INTS2: variants seen among roughly 807,000 people sequenced by gnomAD.
The protein encoded by INTS2 is integrator complex subunit 2.
Under a neutral mutation model 139.6 loss-of-function variants are expected in INTS2, and 57 were observed. The observed-to-expected ratio is 0.41, with a 90% CI of 0.33 to 0.51. The LOEUF (loss-of-function observed/expected upper bound fraction) is 0.51, where lower values mean the gene tolerates loss of function less well. INTS2 is among the 20% of genes least tolerant of loss of function. The pLI, the probability that INTS2 is intolerant of heterozygous loss-of-function variation, is 0.28. For synonymous variants in INTS2, 473 were observed against 493.4 expected (o/e 0.96, Z 0.55); for missense variants, 1,196 against 1,436.7 (o/e 0.83, Z 2.71).
chr17:61,893,876 C>T lies in INTS2; in HGVS notation c.1587G>A (p.Arg529=). 1.3e-6 allele frequency: 2 copies of T among 1,575,174 alleles called. No individual in the cohort carries two copies. The highest frequency in any genetic ancestry group is 8.6e-7 in the Non-Finnish European group (1 of 1,159,586). The change falls in exon 13 of 25, where the codon CGG becomes CGA. Residue 529 remains arginine, a synonymous_variant. Coordinates refer to ENST00000251334, the MANE Select transcript of INTS2 (RefSeq NM_001351695.2). The surrounding 1 kb of genome is among the most constrained non-coding windows in gnomAD (Gnocchi z 5.4). The part of the protein sequence containing the change: ...TEQVVTAHAV[R]VPVTSNLSAN... The stretch of plus-strand genomic sequence containing the variant: ...CACTCAGGTTGCTGGTGACAGGGAC[C>T]CGAACTGCATGAGCTGTGACAACCT...
Position 61,877,977 on chromosome 17 carries a change from A to G in INTS2, c.2366T>C (p.Met789Thr), listed in dbSNP as rs760961077. 1.2e-6 allele frequency: 2 copies of G among 1,613,498 alleles called. No homozygotes were observed. The highest frequency in any genetic ancestry group is 1.7e-6 in the Non-Finnish European group (2 of 1,179,420). Residue 789 changes from methionine (M) to threonine (T), a missense_variant, in exon 18 of 25, where the codon ATG (methionine) becomes ACG (threonine). By Grantham distance (81) the Met-to-Thr change is moderately conservative. This residue lies in a region of INTS2 where 1,129 missense variants were observed against 1,341.9 expected (regional missense o/e 0.84). Transcript: ENST00000251334. ...AACCCCTGAATTCAATAGCTGGCTC[A>G]TATTGGATGTTAACACTTCCGCATA... ...IPYAEVLTSN[M>T]SQLLNSGVPR...
intron 6 of INTS2, 73 bp from the exon 7 acceptor site, chr17:61,911,766 G>A (rs2079528995): frequency 2.7e-6 from 4 of 1,470,238 alleles, no homozygotes; most frequent in Admixed American, 2.2e-5. Context: ...CAAATCTAAA[G>A]TATCTAAAGT....
intron 15 of INTS2, among the ~76,000 whole-genome samples, chr17:61,888,564 C>CGTGCGTGCGTGTGTGTGT (rs755542102): frequency 1.7e-5 from 2 of 119,596 alleles, no homozygotes; most frequent in African/African-American, 5.7e-5. Context: ...TGTGTGCGTG[C>CGTGCGTGCGTGTGTGTGT]GTGTGTGTGT....
At chr17:61,906,309 C>G (rs1022386800) in intron 8 of INTS2, among the ~76,000 whole-genome samples, 1 of 152,120 alleles carries the variant, frequency 6.6e-6, no homozygotes, top group East Asian at 1.9e-4. Flanking sequence ...TCTAAAATCC[C>G]AAACGCTTCT....
intron 7 of INTS2, chr17:61,910,990 A>G (rs1381589112): frequency 6.5e-6 from 1 of 152,884 alleles, no homozygotes; most frequent in African/African-American, 2.4e-5. Flanking sequence ...AAATAAAACT[A>G]TCATTCTTCT....
At chr17:61,874,868 C>T (rs1270360703) in intron 19 of INTS2, 45 bp downstream of exon 19, 1 of 1,415,590 alleles carries the variant, frequency 7.1e-7, no homozygotes, top group Admixed American at 2.8e-5. Context: ...TTTGACTCTC[C>T]AAAGTACAGC....
chr17:61,915,702 G>A (rs748877441), intron 5 of INTS2, among the ~76,000 whole-genome samples: 2 of 147,578 alleles, frequency 1.4e-5, no homozygotes, highest in Non-Finnish European at 3.0e-5. Flanking sequence ...GTGGTGGCGG[G>A]TGCCTGTAGT....
intron 5 of INTS2, among the ~76,000 whole-genome samples, chr17:61,914,909 A>G (rs2079564318): frequency 1.3e-5 from 2 of 151,326 alleles, no homozygotes; most frequent in Non-Finnish European, 2.9e-5. Context: ...GAGGTTAAAA[A>G]TCTCTACAAA....
rs1424296708 is a variant in INTS2, at chr17:61,921,708, A to C, written c.535+17T>G. On this transcript the variant is annotated intron_variant, in intron 4 of 24. Transcript: ENST00000251334. Reference sequence around the variant, plus strand: ...AGAAACTATATATGAAATCCATCTTAGCACTCAGTACAGTACCTGCTTGTA... The same window carrying C: ...AGAAACTATATATGAAATCCATCTTCGCACTCAGTACAGTACCTGCTTGTA... 1 of 1,262,542 alleles carries C rather than the reference A, an allele frequency of 7.9e-7. No homozygotes were observed. Among genetic ancestry groups the C allele is most frequent in the East Asian group, 2.3e-5 (1 of 42,972 alleles). 78.2% of individuals were successfully genotyped at this position (1,262,542 alleles called of 1,614,324 possible).
Position 61,886,192 on chromosome 17 carries a change from A to T in INTS2, c.1985-1187T>A, listed in dbSNP as rs111639616. Among the ~76,000 whole-genome samples, 439 of 152,252 alleles carry T rather than the reference A, an allele frequency of 2.9e-3. 3 individuals carry two copies. The highest frequency in any genetic ancestry group is 1.0e-2 in the African/African-American group (414 of 41,548). ...CAGCCTCCCAAGTAGCTGAGACTAC[A>T]GGTGCCCGCCACCACGCCTAGCTAA... is the stretch of plus-strand genomic sequence containing the variant. On this transcript the variant is annotated intron_variant, in intron 15 of 24. Coordinates refer to ENST00000251334, the MANE Select transcript of INTS2 (RefSeq NM_001351695.2).
chr17:61,913,495 G>T (rs1405688958), intron 5 of INTS2, among the ~76,000 whole-genome samples: 1 of 151,660 alleles, frequency 6.6e-6, no homozygotes, highest in South Asian at 2.1e-4. Context: ...TTTTCCTAGA[G>T]ATGGGATCTT....
chr17:61,894,460 C>CATG (rs2079326974), intron 12 of INTS2, among the ~76,000 whole-genome samples: 5 of 152,200 alleles, frequency 3.3e-5, no homozygotes, highest in Admixed American at 3.3e-4. Flanking sequence ...CTCCCACATG[C>CATG]TGTGTGACTA....
rs1359770984 is a variant in INTS2, at chr17:61,909,815, ATGTGTGTATGTGTGTG to A, written c.954+1689_954+1704del. Among the ~76,000 whole-genome samples the A allele has an allele frequency of 1.7e-4, 12 of 72,510 alleles. No homozygotes were observed. The highest frequency in any genetic ancestry group is 4.9e-4 in the African/African-American group (10 of 20,600). 47.6% of individuals were successfully genotyped at this position (72,510 alleles called of 152,430 possible). ...TATACATATATACGTGTGTGTGTAC[ATGTGTGTATGTGTGTG>A]TGTGTGTGTGTGTGTGTGTGTGTGT... On this transcript the variant is annotated intron_variant, in intron 7 of 24. Transcript: ENST00000251334. The surrounding 1 kb of genome is among the most constrained non-coding windows in gnomAD (Gnocchi z 4.9).
chr17:61,924,629 G>A (rs1482510216), intron 3 of INTS2, among the ~76,000 whole-genome samples: 1 of 152,054 alleles, frequency 6.6e-6, no homozygotes, highest in African/African-American at 2.4e-5. Context: ...GACCAGCCTG[G>A]CCAGCCTGGT....
At chr17:61,915,193 C>A (rs750084665) in intron 5 of INTS2, among the ~76,000 whole-genome samples, 1 of 151,566 alleles carries the variant, frequency 6.6e-6, no homozygotes. Context: ...AAAAAATTAG[C>A]CGGGCATGGT....
At chr17:61,926,301 T>G (rs2079712566) in intron 2 of INTS2, 51 bp downstream of exon 2, 4 of 1,398,612 alleles carry the variant, frequency 2.9e-6, no homozygotes, top group Non-Finnish European at 3.9e-6. Flanking sequence ...AATATCTGAT[T>G]CCCTGTTCTT....
chr17:61,918,890 G>A (rs1290745831), intron 5 of INTS2, among the ~76,000 whole-genome samples: 2 of 148,398 alleles, frequency 1.3e-5, no homozygotes, highest in Non-Finnish European at 1.5e-5. Context: ...TTTGATCCCT[G>A]ATTATAGATA....
intron 9 of INTS2, among the ~76,000 whole-genome samples, chr17:61,902,898 G>A (rs1179613016): frequency 1.3e-5 from 2 of 150,646 alleles, no homozygotes; most frequent in African/African-American, 4.9e-5. Context: ...TGGGCACGGT[G>A]GCTCACGCCT....
chr17:61,875,023 C>T lies in INTS2; in HGVS notation c.2472G>A (p.Thr824=), dbSNP rs375237441. The change falls in exon 19 of 25, where the codon ACG becomes ACA. Residue 824 remains threonine (T), a synonymous_variant. Transcript: ENST00000251334. This position sits in a 1 kb window ranked among gnomAD's most constrained non-coding sequence, Gnocchi z 4.6. The stretch of plus-strand genomic sequence containing the variant: ...TTATTGAAGGCTGAAGTGCATTAAC[C>T]GTCATTACCCATAGCCTGATAAGAA... The part of the protein sequence containing the change: ...TVMPRRLWVM[T]VNALQPSIKF... 1.9e-6 allele frequency: 3 copies of T among 1,593,174 alleles called. No homozygotes were observed. The highest frequency in any genetic ancestry group is 1.3e-5 in the African/African-American group (1 of 74,454).
Sources: gnomAD v4.1 joint callset for allele counts (sites outside exome capture counted in the v4.1 genomes callset) on GRCh38, gnomAD v4.1.1 for gene constraint, gnomAD v4.1.1 regional missense constraint, Gnocchi (gnomAD v3.1) non-coding constraint, MANE v1.5 for transcripts, NCBI Gene and HGNC (gene_info 2026-07-23, HGNC 2026-07-21) for gene names.